The following PLCL1 variants were observed in gnomAD, a reference collection of about 807,000 sequenced individuals.
PLCL1 encodes inactive phospholipase C-like protein 1.
Under a neutral mutation model 84.4 loss-of-function variants are expected in PLCL1, and 41 were observed. The observed-to-expected ratio is 0.49, with a 90% confidence interval of 0.38 to 0.63. The LOEUF is 0.63. PLCL1 is among the 30% of genes least tolerant of loss of function. PLCL1 has a pLI of 0.00. For synonymous variants in PLCL1, 490 were observed against 488.3 expected, an observed-to-expected ratio of 1.00 and a Z score of -0.05; for missense variants, 1,206 against 1,367.8, an observed-to-expected ratio of 0.88 and a Z score of 1.87.
intron 1 of PLCL1, among the ~76,000 whole-genome samples, chr2:197,897,156 CTT>C (rs1688156391): frequency 3.1e-5 from 1 of 32,386 alleles, no homozygotes; most frequent in Non-Finnish European, 5.5e-5. Context: ...TCTTCTTCTT[CTT>C]CTTCTTCTTC....
rs542257238 is a variant in PLCL1 at position 198,022,345 on chromosome 2, C to T, written c.241-61413C>T. On this transcript the variant is annotated intron_variant, in intron 1 of 5. Transcript: ENST00000428675. ...ATTCCCTTTGAAAACCGACACAAGA[C>T]AAGGATGCCCTCTCTCACCACTCCT... 6.0e-4 allele frequency among the ~76,000 whole-genome samples: 92 copies of T among 152,254 alleles called. 2 individuals are homozygous for T. The South Asian group carries it at 7.5e-3, about 12-fold the overall frequency.
intron 1 of PLCL1, among the ~76,000 whole-genome samples, chr2:197,970,933 A>G (rs1202576193): frequency 1.3e-5 from 2 of 152,256 alleles, no homozygotes; most frequent in Non-Finnish European, 2.9e-5. Context: ...TAGCTAAAGA[A>G]TAACTCAAAT....
At chr2:197,890,750 G>A (rs542665871) in intron 1 of PLCL1, among the ~76,000 whole-genome samples, 150 of 133,450 alleles carry the variant, frequency 1.1e-3, no homozygotes, top group Non-Finnish European at 1.8e-3. Flanking sequence ...ATATGTATAC[G>A]TATGTATATA....
At chr2:198,081,052 A>C (rs1183341046) in intron 1 of PLCL1, among the ~76,000 whole-genome samples, 2 of 152,220 alleles carry the variant, frequency 1.3e-5, no homozygotes. Context: ...GTTCTTACAA[A>C]TAAACAGTGA....
intron 1 of PLCL1, among the ~76,000 whole-genome samples, chr2:197,870,856 A>C (rs1687637643): frequency 6.6e-6 from 1 of 151,978 alleles, no homozygotes; most frequent in Admixed American, 6.6e-5. Flanking sequence ...GATTCTTACT[A>C]CTGGGGGGAA....
intron 1 of PLCL1, among the ~76,000 whole-genome samples, chr2:197,866,258 A>G (rs1401083448): frequency 2.0e-5 from 3 of 148,412 alleles, no homozygotes; most frequent in Non-Finnish European, 3.0e-5. Context: ...GAAATTTATG[A>G]TAGCTTTTCT....
chr2:198,131,240 A>T (rs1340362936), intron 5 of PLCL1, among the ~76,000 whole-genome samples: 2 of 152,032 alleles, frequency 1.3e-5, no homozygotes, highest in Non-Finnish European at 2.9e-5. Flanking sequence ...GGGCACTGTT[A>T]TCTGTACTTC....
At chr2:197,869,929 T>C (rs2105703653) in intron 1 of PLCL1, among the ~76,000 whole-genome samples, 1 of 152,248 alleles carries the variant, frequency 6.6e-6, no homozygotes, top group East Asian at 1.9e-4. Context: ...TCTGATTTTG[T>C]AAAAAGGTTT....
intron 1 of PLCL1, among the ~76,000 whole-genome samples, chr2:198,022,295 TACTG>T (rs1691154738): frequency 6.6e-6 from 1 of 152,152 alleles, no homozygotes; most frequent in South Asian, 2.1e-4. Context: ...GGCAATATCA[TACTG>T]AATGGGCAAA....
intron 1 of PLCL1, among the ~76,000 whole-genome samples, chr2:197,986,750 A>G (rs1003159698): frequency 2.0e-5 from 3 of 152,234 alleles, no homozygotes; most frequent in African/African-American, 7.2e-5. Flanking sequence ...ATATTCTACC[A>G]TCCCAAAGTC....
At chr2:198,052,405 A>C (rs1312309394) in intron 1 of PLCL1, among the ~76,000 whole-genome samples, 1 of 152,182 alleles carries the variant, frequency 6.6e-6, no homozygotes, top group Non-Finnish European at 1.5e-5. Context: ...ATAATGTAAA[A>C]TTTATGCATT....
At chr2:197,858,212 G>T (rs890621228) in intron 1 of PLCL1, among the ~76,000 whole-genome samples, 1 of 152,168 alleles carries the variant, frequency 6.6e-6, no homozygotes, top group Non-Finnish European at 1.5e-5. Flanking sequence ...TGGAAACAAA[G>T]GGACCTGAGC....
chr2:197,963,416 C>T (rs978297599), intron 1 of PLCL1, among the ~76,000 whole-genome samples: 3 of 152,006 alleles, frequency 2.0e-5, no homozygotes, highest in Non-Finnish European at 4.4e-5. Context: ...ATCTTTTGCC[C>T]ATTTAAAAGT....
chr2:197,989,429 AG>A (rs1690291865), intron 1 of PLCL1, among the ~76,000 whole-genome samples: 1 of 152,158 alleles, frequency 6.6e-6, no homozygotes, highest in African/African-American at 2.4e-5. Context: ...ACTAGATCTG[AG>A]GGGATGAGTA....
intron 1 of PLCL1, among the ~76,000 whole-genome samples, chr2:198,057,728 A>G (rs1692101834): frequency 6.6e-6 from 1 of 152,318 alleles, no homozygotes; most frequent in Middle Eastern, 3.4e-3. Flanking sequence ...TGGAACTCCA[A>G]GTGCTTTACA....
intron 1 of PLCL1, among the ~76,000 whole-genome samples, chr2:198,017,028 G>T (rs1691015386): frequency 6.6e-6 from 1 of 152,150 alleles, no homozygotes; most frequent in African/African-American, 2.4e-5. Context: ...GGGGAATGAA[G>T]GTGGAGCCAT....
intron 1 of PLCL1, among the ~76,000 whole-genome samples, chr2:197,856,936 G>T (rs1014277837): frequency 6.6e-6 from 1 of 151,758 alleles, no homozygotes; most frequent in Non-Finnish European, 1.5e-5. Flanking sequence ...ACTTTAAGAC[G>T]ATTGTATATT....
intron 1 of PLCL1, among the ~76,000 whole-genome samples, chr2:197,806,765 C>T (rs1690494622): frequency 6.6e-6 from 1 of 152,150 alleles, no homozygotes; most frequent in Non-Finnish European, 1.5e-5. Context: ...TGTATTGATA[C>T]TACATGGTGT....
rs1692867526 is a variant in PLCL1, at chr2:198,085,978, C to T, written c.2461C>T (p.Pro821Ser). Residue 821 changes from proline (P) to serine (S), a missense_variant, in exon 2 of 6, where the codon CCT becomes TCT. By Grantham distance (74) the Pro-to-Ser change is moderately conservative. Coordinates refer to ENST00000428675, the MANE Select transcript of PLCL1 (RefSeq NM_006226.4). The surrounding 1 kb of genome is among the most constrained non-coding windows in gnomAD (Gnocchi z 5.3). Reference protein sequence around the residue: ...QYTIPFECLQPGYRHVPLRSF... With the variant: ...QYTIPFECLQSGYRHVPLRSF... ...TACGATACCATTTGAATGTTTGCAG[C>T]CTGGATATCGGCATGTTCCCCTGCG... 6.2e-7 allele frequency: 1 copy of T among 1,613,898 alleles called. No homozygotes were observed.
Sources: allele counts gnomAD v4.1 joint callset (sites outside exome capture counted in the v4.1 genomes callset), GRCh38; gene constraint gnomAD v4.1.1; non-coding constraint Gnocchi (gnomAD v3.1); transcripts MANE v1.5; gene names NCBI Gene and HGNC (gene_info 2026-07-23, HGNC 2026-07-21).